Variants in HOMER2 observed in about 807,000 individuals in gnomAD.
HOMER2 encodes homer protein homolog 2.
A neutral mutation model predicts 47.0 loss-of-function variants in HOMER2; 27 were observed. The observed-to-expected ratio is 0.57, with a 90% CI of 0.42 to 0.79. HOMER2 has a LOEUF of 0.79. Ranked by LOEUF, HOMER2 falls within the 30% of genes least tolerant of loss-of-function variation. The pLI is 0.00. For missense variants in HOMER2, 443 were observed against 435.0 expected (o/e 1.02, Z -0.16); for synonymous variants, 161 against 163.8 (o/e 0.98, Z 0.13).
intron 2 of HOMER2, among the ~76,000 whole-genome samples, chr15:82,878,160 C>T (rs2052408382): frequency 6.6e-6 from 1 of 152,190 alleles, no homozygotes; most frequent in African/African-American, 2.4e-5. Context: ...GGTCAGTCAC[C>T]ACACCCCAAG....
intron 1 of HOMER2, among the ~76,000 whole-genome samples, chr15:82,977,106 T>C (rs1334224809): frequency 6.6e-6 from 1 of 152,088 alleles, no homozygotes; most frequent in African/African-American, 2.4e-5. Context: ...TGAACACAAA[T>C]ATTACATAAA....
At chr15:82,919,138 C>T (rs1015825870) in intron 1 of HOMER2, among the ~76,000 whole-genome samples, 1 of 152,150 alleles carries the variant, frequency 6.6e-6, no homozygotes, top group Non-Finnish European at 1.5e-5. Flanking sequence ...TTCCATGTGT[C>T]CGTGACACTA....
chr15:82,907,021 C>G (rs556470245), intron 1 of HOMER2, among the ~76,000 whole-genome samples: 8 of 152,300 alleles, frequency 5.3e-5, no homozygotes, highest in Non-Finnish European at 8.8e-5. Context: ...AATGAATCCA[C>G]TACTATAGTT....
intron 1 of HOMER2, among the ~76,000 whole-genome samples, chr15:82,897,035 A>G (rs182537698): frequency 2.7e-5 from 4 of 147,542 alleles, no homozygotes; most frequent in Admixed American, 2.7e-4. Flanking sequence ...GTCATGCAGT[A>G]TATGACAGGT....
chr15:82,982,009 A>T (rs1437117530), intron 1 of HOMER2, among the ~76,000 whole-genome samples: 6 of 152,240 alleles, frequency 3.9e-5, no homozygotes, highest in East Asian at 3.8e-4. Flanking sequence ...TTTTTATGTT[A>T]CATATATTTT....
At position 82,915,053 on chromosome 15, in the gene HOMER2, G is replaced by C. The variant is rs943313221; in HGVS notation, c.6-22212C>G. Among the ~76,000 whole-genome samples, 3 of 151,828 alleles carry C rather than the reference G, an allele frequency of 2.0e-5. No individual in the cohort carries two copies. In the East Asian group the frequency reaches 5.8e-4, roughly 29 times the overall value. The stretch of plus-strand genomic sequence containing the variant: ...CTGGGTGTGATGGTGTGTGCCTGTA[G>C]TCCCAGCTACTGGGGAGGCTGAGGC... On this transcript the variant is annotated intron_variant, in intron 1 of 8. Coordinates refer to ENST00000450735, the MANE Select transcript of HOMER2 (RefSeq NM_004839.4).
intron 1 of HOMER2, among the ~76,000 whole-genome samples, chr15:82,967,007 C>T (rs1197131930): frequency 6.6e-6 from 1 of 152,158 alleles, no homozygotes; most frequent in Non-Finnish European, 1.5e-5. Context: ...CCTGTAATCC[C>T]AGTACTTTAG....
chr15:82,909,128 G>A (rs2053378843), intron 1 of HOMER2, among the ~76,000 whole-genome samples: 1 of 152,208 alleles, frequency 6.6e-6, no homozygotes, highest in Non-Finnish European at 1.5e-5. Flanking sequence ...AAGAGTACTG[G>A]AACTCAAAGA....
chr15:82,852,398 A>C, intron 6 of HOMER2, 146 bp from the exon 7 acceptor site: 1 of 611,956 alleles, frequency 1.6e-6, no homozygotes, highest in African/African-American at 1.9e-5. Context: ...GCTATGAACA[A>C]ACCCCATGCA....
At chr15:82,884,644 TTC>T (rs1213812223) in intron 2 of HOMER2, among the ~76,000 whole-genome samples, 2 of 72,110 alleles carry the variant, frequency 2.8e-5, no homozygotes, top group Admixed American at 3.0e-4. Context: ...AGGTATTTTA[TTC>T]TCTTTGAAGC....
intron 4 of HOMER2, among the ~76,000 whole-genome samples, chr15:82,862,492 T>C (rs1028616918): frequency 2.6e-5 from 4 of 152,180 alleles, no homozygotes; most frequent in African/African-American, 9.7e-5. Flanking sequence ...CAAAATCTTA[T>C]CTGGAGAAAT....
chr15:82,851,522 G>A (rs1393343620), intron 7 of HOMER2, among the ~76,000 whole-genome samples: 1 of 152,206 alleles, frequency 6.6e-6, no homozygotes, highest in South Asian at 2.1e-4. Flanking sequence ...CATGAGCACG[G>A]CCTCCAACAT....
chr15:82,855,133 GA>G (rs2051533108), intron 5 of HOMER2, among the ~76,000 whole-genome samples: 1 of 151,722 alleles, frequency 6.6e-6, no homozygotes, highest in Non-Finnish European at 1.5e-5. Context: ...TCAAGAAATC[GA>G]GACCATCCTG....
chr15:82,882,883 T>TACTGAAACACATCCACTCCTTCCC (rs1567033115), intron 2 of HOMER2, among the ~76,000 whole-genome samples: 3 of 61,664 alleles, frequency 4.9e-5, no homozygotes, highest in Admixed American at 1.7e-4. Flanking sequence ...AGCCACTGCT[T>TACTGAAACACATCCACTCCTTCCC]TTTTTTTTTT....
In HOMER2 at chr15:82,852,115, G is replaced by C. The variant is rs375281424; in HGVS notation, c.762+27C>G. 191 of 1,550,352 alleles carry C rather than the reference G, an allele frequency of 1.2e-4. 1 individual carries two copies. The African/African-American group carries it at 2.3e-3, about 19-fold the overall frequency. ...CCGCAAGGCCAAGAGGACGCCAAGG[G>C]GCCCTGCTCGGAGCACCATTACTCA... On this transcript the variant is annotated intron_variant, in intron 7 of 8. Coordinates refer to ENST00000450735, the MANE Select transcript of HOMER2 (RefSeq NM_004839.4).
intron 1 of HOMER2, among the ~76,000 whole-genome samples, chr15:82,963,440 TA>T (rs1323879978): frequency 1.3e-5 from 2 of 152,070 alleles, no homozygotes. Flanking sequence ...CCAGTCAGGC[TA>T]AAAAATTAGC....
intron 1 of HOMER2, among the ~76,000 whole-genome samples, chr15:82,935,777 G>C (rs747302081): frequency 3.9e-5 from 6 of 152,076 alleles, no homozygotes; most frequent in Non-Finnish European, 8.8e-5. Flanking sequence ...GCCTTCTGTA[G>C]AACCCACCCA....
intron 1 of HOMER2, among the ~76,000 whole-genome samples, chr15:82,907,232 G>A (rs529538317): frequency 1.1e-4 from 16 of 152,004 alleles, no homozygotes; most frequent in African/African-American, 2.4e-4. Context: ...TGGCGGGTGC[G>A]TGCAGTCCCA....
chr15:82,882,064 T>C (rs1468035672), intron 2 of HOMER2, among the ~76,000 whole-genome samples: 1 of 152,240 alleles, frequency 6.6e-6, no homozygotes, highest in Non-Finnish European at 1.5e-5. Context: ...ATAATGGAGT[T>C]GGCCGTTCTG....
Sources: allele counts gnomAD v4.1 joint callset (sites outside exome capture counted in the v4.1 genomes callset), GRCh38; gene constraint gnomAD v4.1.1; transcripts MANE v1.5; gene names NCBI Gene and HGNC (gene_info 2026-07-23, HGNC 2026-07-21).